CELSR1: variants seen among roughly 807,000 people sequenced by gnomAD.
The protein encoded by CELSR1 is cadherin EGF LAG seven-pass G-type receptor 1.
Under a neutral mutation model 249.1 loss-of-function variants are expected in CELSR1, and 110 were observed. The ratio of observed to expected loss-of-function variants is 0.44; its 90% confidence interval spans 0.38 to 0.52. CELSR1 has a LOEUF of 0.52. Among genes scored for constraint, CELSR1 ranks in the 20% least tolerant of loss-of-function variants. CELSR1 has a pLI of 0.00. For missense variants in CELSR1, 4,109 were observed against 4,296.4 expected (o/e 0.96, Z 1.22); for synonymous variants, 2,113 against 1,900.0 (o/e 1.11, Z -2.92).
chr22:46,377,016 C>T, intron 24 of CELSR1, 45 bp downstream of exon 24: 1 of 1,598,624 alleles, frequency 6.3e-7, no homozygotes, highest in Non-Finnish European at 8.5e-7. Context: ...GTAGCTGCTC[C>T]AAGCTGCGGC....
Position 46,363,100 on chromosome 22 carries a change from C to T in CELSR1, c.*123G>A. On this transcript the variant is annotated 3_prime_UTR_variant, in exon 35 of 35. Transcript: ENST00000674500. This position sits in a 1 kb window ranked among gnomAD's most constrained non-coding sequence, Gnocchi z 4.3. ...GGGACCGCCACACTCTGGGCCCACT[C>T]CACTTCAAGGGCAGTGGCCCCTTGG... 6.2e-7 allele frequency: 1 copy of T among 1,602,648 alleles called. No homozygotes were observed. Among genetic ancestry groups the T allele is most frequent in the South Asian group, 1.1e-5 (1 of 90,822 alleles).
In CELSR1 at chr22:46,404,533, A is replaced by G. The variant is rs138423420; in HGVS notation, c.5226+4463T>C. ...TGAGAGAAAACAGGATACAGGTTTT[A>G]ACTGGCTGTAAAGATTATGTAACTA... On this transcript the variant is annotated intron_variant, in intron 9 of 34. Transcript: ENST00000674500. 2.2e-4 allele frequency among the ~76,000 whole-genome samples: 33 copies of G among 152,360 alleles called. 1 individual carries two copies. The East Asian group carries it at 6.2e-3, about 28-fold the overall frequency.
intron 1 of CELSR1, among the ~76,000 whole-genome samples, chr22:46,494,145 T>G (rs1452779935): frequency 6.6e-6 from 1 of 152,228 alleles, no homozygotes; most frequent in East Asian, 1.9e-4. Flanking sequence ...ATGTTGAGCC[T>G]GTTTTCTGGG....
intron 2 of CELSR1, 52 bp downstream of exon 2, chr22:46,463,655 C>T: frequency 1.4e-6 from 2 of 1,455,638 alleles, no homozygotes; most frequent in East Asian, 2.5e-5. Context: ...AGACCCTCGG[C>T]CATGTGACCT....
intron 2 of CELSR1, among the ~76,000 whole-genome samples, chr22:46,453,141 G>C (rs1335557122): frequency 6.6e-6 from 1 of 152,240 alleles, no homozygotes; most frequent in East Asian, 1.9e-4. Flanking sequence ...GTCTGGCCAT[G>C]CTCCTGCTAG....
chr22:46,478,200 G>A (rs905753901), intron 1 of CELSR1, among the ~76,000 whole-genome samples: 10 of 152,292 alleles, frequency 6.6e-5, no homozygotes, highest in East Asian at 1.9e-4. Flanking sequence ...GGGCCTCTGC[G>A]CCTCCCGACA....
chr22:46,383,589 C>T (rs1035144631), intron 20 of CELSR1, among the ~76,000 whole-genome samples: 4 of 152,204 alleles, frequency 2.6e-5, no homozygotes, highest in Non-Finnish European at 5.9e-5. Flanking sequence ...TGTAGTGGCA[C>T]GATCACAGCT....
In CELSR1 at chr22:46,436,266, C is replaced by T; in HGVS notation, c.4430G>A (p.Gly1477Asp). ...GAAGCGGCCGTTGTAGAGAAGCAAG[C>T]CGTTCCTTTCCTGAGTGGCAAACCT... ...SLTFATQERN[G>D]LLLYNGRFNE... Residue 1477 changes from glycine (G) to aspartate (D), a missense_variant, in exon 4 of 35, where the codon GGC becomes GAC. By Grantham distance (94) the Gly-to-Asp change is moderately conservative (BLOSUM62 -1). This residue lies in a region of CELSR1 where 453 missense variants were observed against 492.0 expected (regional missense o/e 0.92). Coordinates refer to ENST00000674500, the MANE Select transcript of CELSR1 (RefSeq NM_001378328.1). The surrounding 1 kb of genome is among the most constrained non-coding windows in gnomAD (Gnocchi z 5.9). 1.2e-6 allele frequency: 2 copies of T among 1,614,036 alleles called. No individual in the cohort carries two copies. Among genetic ancestry groups the T allele is most frequent in the Non-Finnish European group, 1.7e-6 (2 of 1,179,974 alleles).
intron 1 of CELSR1, among the ~76,000 whole-genome samples, chr22:46,508,950 C>T (rs928879607): frequency 2.0e-5 from 3 of 152,194 alleles, no homozygotes; most frequent in Non-Finnish European, 4.4e-5. Flanking sequence ...TCCCAGAAGG[C>T]TCCAGGATAG....
At chr22:46,379,376 T>C (rs2147211353) in intron 22 of CELSR1, among the ~76,000 whole-genome samples, 1 of 151,902 alleles carries the variant, frequency 6.6e-6, no homozygotes, top group East Asian at 1.9e-4. Flanking sequence ...AGATCCTTAC[T>C]TTGCTAATCT....
chr22:46,489,641 G>A (rs922184529), intron 1 of CELSR1, among the ~76,000 whole-genome samples: 16 of 152,216 alleles, frequency 1.1e-4, no homozygotes, highest in African/African-American at 2.2e-4. Context: ...GGCCGTGCAC[G>A]GTGGCTCATA....
chr22:46,473,174 C>A lies in CELSR1; in HGVS notation c.3545-8829G>T, dbSNP rs1329721650. On this transcript the variant is annotated intron_variant, in intron 1 of 34. Transcript: ENST00000674500. This position sits in a 1 kb window ranked among gnomAD's most constrained non-coding sequence, Gnocchi z 6.6. Reference sequence around the variant, plus strand: ...ATGTCCGCAGAGGGGTGGACAGGACCCACGCACCACGAGGAACCATCGCTG... The same window carrying A: ...ATGTCCGCAGAGGGGTGGACAGGACACACGCACCACGAGGAACCATCGCTG... 2.0e-5 allele frequency among the ~76,000 whole-genome samples: 3 copies of A among 152,046 alleles called. No homozygotes were observed. The highest frequency in any genetic ancestry group is 7.3e-5 in the African/African-American group (3 of 41,374).
At chr22:46,456,668 A>T (rs1394929430) in intron 2 of CELSR1, among the ~76,000 whole-genome samples, 87 of 150,412 alleles carry the variant, frequency 5.8e-4, no homozygotes, top group African/African-American at 2.0e-3. Flanking sequence ...GTCTAAAAAA[A>T]AAAAAAAAAA....
rs2079118675 is a variant in CELSR1, at chr22:46,393,731, CTG to C, written c.5964+409_5964+410del. Among the ~76,000 whole-genome samples the C allele has an allele frequency of 6.9e-6, 1 of 145,462 alleles. No individual in the cohort carries two copies. The highest frequency in any genetic ancestry group is 2.6e-5 in the African/African-American group (1 of 39,138). On this transcript the variant is annotated intron_variant, in intron 14 of 34. Coordinates refer to ENST00000674500, the MANE Select transcript of CELSR1 (RefSeq NM_001378328.1). The surrounding 1 kb of genome is among the most constrained non-coding windows in gnomAD (Gnocchi z 4.1). ...CCAGCCTGGGCGACACAGCGAGACT[CTG>C]TCTCAAAAAAAAAAAAAAAAAGACC...
rs547332532 is a variant in CELSR1, at chr22:46,380,078, A to G, written c.7256+710T>C. Among the ~76,000 whole-genome samples, 2 of 152,276 alleles carry G rather than the reference A, an allele frequency of 1.3e-5. No individual in the cohort carries two copies. The highest frequency in any genetic ancestry group is 2.1e-4 in the South Asian group (1 of 4,826). Reference sequence around the variant, plus strand: ...TAAAAAGCAAAACCAAAGCACAAACACTACTGGCTCCCAGCAGACGGGAGC... The same window carrying G: ...TAAAAAGCAAAACCAAAGCACAAACGCTACTGGCTCCCAGCAGACGGGAGC... On this transcript the variant is annotated intron_variant, in intron 22 of 34. Coordinates refer to ENST00000674500, the MANE Select transcript of CELSR1 (RefSeq NM_001378328.1). This position sits in a 1 kb window ranked among gnomAD's most constrained non-coding sequence, Gnocchi z 5.1.
chr22:46,444,468 G>A (rs527543672), intron 2 of CELSR1, among the ~76,000 whole-genome samples: 15 of 152,196 alleles, frequency 9.9e-5, no homozygotes, highest in Non-Finnish European at 2.2e-4. Context: ...GCTAATGCCC[G>A]TGAGAGCACA....
intron 13 of CELSR1, 123 bp from the exon 14 acceptor site, chr22:46,394,385 G>A (rs189345959): frequency 1.1e-3 from 1,284 of 1,168,414 alleles, no homozygotes; most frequent in Non-Finnish European, 1.4e-3. Context: ...AGCTCTGGGA[G>A]CTTCCCCTTC....
At chr22:46,459,625 G>A (rs961227589) in intron 2 of CELSR1, among the ~76,000 whole-genome samples, 1 of 152,182 alleles carries the variant, frequency 6.6e-6, no homozygotes, top group Non-Finnish European at 1.5e-5. Flanking sequence ...TCTCTGCCGT[G>A]GGGCGGCCCT....
At chr22:46,505,710 T>C (rs1365628544) in intron 1 of CELSR1, among the ~76,000 whole-genome samples, 2 of 152,182 alleles carry the variant, frequency 1.3e-5, no homozygotes, top group East Asian at 3.9e-4. Context: ...ACAGAAATGG[T>C]GTATATGTTT....
Sources: allele counts gnomAD v4.1 joint callset (sites outside exome capture counted in the v4.1 genomes callset), GRCh38; gene constraint gnomAD v4.1.1; regional missense constraint gnomAD v4.1.1; non-coding constraint Gnocchi (gnomAD v3.1); transcripts MANE v1.5; gene names NCBI Gene and HGNC (gene_info 2026-07-23, HGNC 2026-07-21).